The following KAT2B variants were observed in gnomAD, a reference collection of about 807,000 sequenced individuals.
KAT2B encodes the protein lysine acetyltransferase 2B.
A neutral mutation model predicts 105.9 loss-of-function variants in KAT2B; 36 were observed. The observed-to-expected ratio is 0.34, with a 90% confidence interval of 0.26 to 0.45. The LOEUF is 0.45. Ranked by LOEUF, KAT2B falls within the 20% of genes least tolerant of loss-of-function variation. KAT2B has a pLI of 1.00. For missense variants in KAT2B, 820 were observed against 1,021.6 expected (o/e 0.80, Z 2.69); for synonymous variants, 397 against 377.9 (o/e 1.05, Z -0.59).
chr3:20,085,396 G>A (rs1031121244), intron 2 of KAT2B, among the ~76,000 whole-genome samples: 21 of 151,976 alleles, frequency 1.4e-4, no homozygotes, highest in African/African-American at 4.8e-4. Context: ...TCTGATTTTG[G>A]GTATCTTTTA....
intron 8 of KAT2B, among the ~76,000 whole-genome samples, chr3:20,121,730 A>ATG (rs1491153005): frequency 0.063 from 5,819 of 92,402 alleles, 221 homozygotes; most frequent in Non-Finnish European, 0.082. Context: ...ACACATATGC[A>ATG]TATGTGTGTG....
chr3:20,097,958 G>A (rs956628372), intron 3 of KAT2B, among the ~76,000 whole-genome samples: 1 of 152,062 alleles, frequency 6.6e-6, no homozygotes, highest in Non-Finnish European at 1.5e-5. Context: ...GTCTGGGCAC[G>A]GTGGCTCACA....
At chr3:20,078,638 C>T (rs1005881446) in intron 2 of KAT2B, among the ~76,000 whole-genome samples, 2 of 151,876 alleles carry the variant, frequency 1.3e-5, no homozygotes, top group Non-Finnish European at 2.9e-5. Flanking sequence ...CTCGGCCTCC[C>T]GAAGTGCTGG....
intron 5 of KAT2B, among the ~76,000 whole-genome samples, chr3:20,103,032 A>G (rs990672444): frequency 5.3e-5 from 8 of 152,222 alleles, no homozygotes; most frequent in African/African-American, 1.9e-4. Flanking sequence ...AAATATATGC[A>G]ATTTCAGTTA....
At chr3:20,095,148 A>G (rs1698786688) in intron 2 of KAT2B, 115 bp from the exon 3 acceptor site, 1 of 772,888 alleles carries the variant, frequency 1.3e-6, no homozygotes, top group South Asian at 2.0e-5. Flanking sequence ...TCTTATTACC[A>G]GTGAACTTAA....
At chr3:20,139,084 A>G in intron 12 of KAT2B, among the ~76,000 whole-genome samples, 1 of 150,766 alleles carries the variant, frequency 6.6e-6, no homozygotes, top group East Asian at 2.0e-4. Flanking sequence ...TCATTTGTAG[A>G]GATGGTGAGG....
intron 5 of KAT2B, among the ~76,000 whole-genome samples, chr3:20,106,245 A>C (rs1435695225): frequency 2.0e-5 from 3 of 152,238 alleles, no homozygotes; most frequent in Non-Finnish European, 4.4e-5. Flanking sequence ...TACCATCTTT[A>C]TTAGACATAC....
chr3:20,099,776 A>T, intron 3 of KAT2B, 86 bp from the exon 4 acceptor site: 1 of 678,512 alleles, frequency 1.5e-6, no homozygotes, highest in Non-Finnish European at 2.6e-6. Context: ...AGAGAGAGAG[A>T]CAGACAGAAA....
intron 2 of KAT2B, among the ~76,000 whole-genome samples, chr3:20,081,467 G>C (rs1019011747): frequency 2.0e-5 from 3 of 152,172 alleles, no homozygotes; most frequent in African/African-American, 7.2e-5. Context: ...ACAGCACTGA[G>C]AGGTGCCAAG....
intron 2 of KAT2B, among the ~76,000 whole-genome samples, chr3:20,086,825 A>AGGCTGGAGTGCAGTGGTGCAGTCTC (rs1698626316): frequency 6.8e-6 from 1 of 148,030 alleles, no homozygotes; most frequent in Admixed American, 6.7e-5. Context: ...GGAGTCTCGC[A>AGGCTGGAGTGCAGTGGTGCAGTCTC]GGCTGGAGTG....
intron 1 of KAT2B, among the ~76,000 whole-genome samples, chr3:20,057,866 G>T (rs1287549008): frequency 6.6e-6 from 1 of 152,050 alleles, no homozygotes. Context: ...CAGTCAGCGG[G>T]ACCTAATTAT....
intron 1 of KAT2B, among the ~76,000 whole-genome samples, chr3:20,070,603 C>G (rs529034340): frequency 6.6e-6 from 1 of 151,820 alleles, no homozygotes; most frequent in South Asian, 2.1e-4. Context: ...CGTGCCCGGC[C>G]TCTCTTTTCT....
chr3:20,063,152 C>T (rs1365941885), intron 1 of KAT2B, among the ~76,000 whole-genome samples: 1 of 151,990 alleles, frequency 6.6e-6, no homozygotes, highest in Non-Finnish European at 1.5e-5. Context: ...ATTGCTGCCT[C>T]GAATTCCTAG....
At position 20,099,759 on chromosome 3, in the gene KAT2B, A is replaced by AAG. The variant is rs149949115; in HGVS notation, c.577-87_577-86dup. 874 of 561,850 alleles carry AAG rather than the reference A, an allele frequency of 1.6e-3. 3 individuals carry two copies. Among genetic ancestry groups the AAG allele is most frequent in the African/African-American group, 6.7e-3 (348 of 51,868 alleles). 34.8% of individuals were successfully genotyped at this position (561,850 alleles called of 1,614,324 possible). On this transcript the variant is annotated intron_variant, in intron 3 of 17. Transcript: ENST00000263754. Reference sequence around the variant, plus strand: ...CTTTAAAGGCTGTGTGTGTGTGTGTAAGAGAGAGAGAGAGAGACAGACAGA... The same window carrying AAG: ...CTTTAAAGGCTGTGTGTGTGTGTGTAAGAGAGAGAGAGAGAGAGACAGACAGA...
At chr3:20,117,207 C>T (rs1699221606) in intron 7 of KAT2B, among the ~76,000 whole-genome samples, 1 of 152,026 alleles carries the variant, frequency 6.6e-6, no homozygotes, top group Non-Finnish European at 1.5e-5. Context: ...TGCCTGTGAC[C>T]CTATGGGAAT....
chr3:20,146,198 C>T, intron 13 of KAT2B, 118 bp from the exon 14 acceptor site: 1 of 665,522 alleles, frequency 1.5e-6, no homozygotes, highest in Non-Finnish European at 2.7e-6. Flanking sequence ...ACCCCTTTCT[C>T]CCATCTTATT....
intron 2 of KAT2B, among the ~76,000 whole-genome samples, chr3:20,081,936 T>G (rs979204268): frequency 3.3e-5 from 5 of 149,482 alleles, no homozygotes; most frequent in African/African-American, 1.2e-4. Flanking sequence ...TATATGAGTC[T>G]CTACGTATAA....
intron 1 of KAT2B, among the ~76,000 whole-genome samples, chr3:20,054,607 G>T (rs1020141926): frequency 3.9e-5 from 6 of 152,124 alleles, no homozygotes; most frequent in Non-Finnish European, 8.8e-5. Context: ...TGTACTCTTG[G>T]CTTGTGCAGC....
intron 17 of KAT2B, 49 bp downstream of exon 17, chr3:20,148,536 G>A (rs766543832): frequency 3.1e-5 from 40 of 1,309,556 alleles, no homozygotes; most frequent in East Asian, 4.6e-5. Flanking sequence ...TCTGGATGGC[G>A]GTGTGGGGGA....
Sources: gnomAD v4.1 joint callset for allele counts (sites outside exome capture counted in the v4.1 genomes callset) on GRCh38, gnomAD v4.1.1 for gene constraint, MANE v1.5 for transcripts, NCBI Gene and HGNC (gene_info 2026-07-23, HGNC 2026-07-21) for gene names.